CBX2: variants seen among roughly 807,000 people sequenced by gnomAD.
The protein encoded by CBX2 is chromobox 2.
Under a neutral mutation model 21.0 loss-of-function variants are expected in CBX2, and 11 were observed. That is an observed-to-expected ratio of 0.52 (90% CI 0.33 to 0.87). CBX2 has a LOEUF of 0.87. Among genes scored for constraint, CBX2 ranks in the 40% least tolerant of loss-of-function variants. The pLI, the probability that CBX2 is intolerant of heterozygous loss-of-function variation, is 0.02. For missense variants in CBX2, 746 were observed against 724.3 expected (o/e 1.03, Z -0.34); for synonymous variants, 364 against 304.6 (o/e 1.19, Z -2.03).
intron 4 of CBX2, 125 bp downstream of exon 4, chr17:79,781,926 T>C: frequency 1.2e-6 from 2 of 1,614,152 alleles, no homozygotes; most frequent in Non-Finnish European, 1.7e-6. Context: ...TCTGTCCCTC[T>C]ACTCGGAAAA....
rs1417503886 is a variant in CBX2 at position 79,783,300 on chromosome 17, C to A, written c.289-432C>A. Among the ~76,000 whole-genome samples, 4 of 152,182 alleles carry A rather than the reference C, an allele frequency of 2.6e-5. No individual in the cohort carries two copies. In the South Asian group the frequency reaches 8.3e-4, roughly 31 times the overall value. On this transcript the variant is annotated intron_variant, in intron 4 of 4. Transcript: ENST00000310942. ...GCTCCTTCCTGACTGCCTCTCTGGT[C>A]TGGAAGCCACAGGAGTTGATGGCTG...
At chr17:79,780,767 C>T (rs929569424) in intron 3 of CBX2, among the ~76,000 whole-genome samples, 9 of 152,182 alleles carry the variant, frequency 5.9e-5, no homozygotes, top group Non-Finnish European at 1.2e-4. Context: ...TGGCCCTTGG[C>T]GACGCACAGG....
chr17:79,782,014 C>T lies in CBX2; in HGVS notation c.288+213C>T, dbSNP rs782650233. ...CGGCTGAGAGTTCCTCCCCGCCCCT[C>T]CCAGGGGCTTCCTGCTTCAGCCTGT... On this transcript the variant is annotated intron_variant, in intron 4 of 4. Transcript: ENST00000310942. 40 of 1,613,976 alleles carry T rather than the reference C, an allele frequency of 2.5e-5. 1 individual carries two copies. The Admixed American group carries it at 6.0e-4, about 24-fold the overall frequency.
At chr17:79,780,522 G>A (rs1598221352) in intron 3 of CBX2, among the ~76,000 whole-genome samples, 1 of 152,090 alleles carries the variant, frequency 6.6e-6, no homozygotes, top group African/African-American at 2.4e-5. Flanking sequence ...TCAGAGGCTG[G>A]TGCGCTTCTC....
At position 79,783,616 on chromosome 17, in the gene CBX2, G is replaced by A. The variant is rs1907398027; in HGVS notation, c.289-116G>A. 3.4e-6 allele frequency: 3 copies of A among 879,782 alleles called. No homozygotes were observed. In the Admixed American group the frequency reaches 6.0e-5, roughly 18 times the overall value. 54.5% of individuals were successfully genotyped at this position (879,782 alleles called of 1,614,324 possible). A position where few individuals can be genotyped will look rare whatever the true frequency, so the allele number is the denominator to read the frequency against. On this transcript the variant is annotated intron_variant, in intron 4 of 4. Transcript: ENST00000310942. ...GTAGAAACAGGGCTCCACTATGTTG[G>A]CCAGGCTGGTCTTGAACTCCTGACC...
chr17:79,784,122 G>T lies in CBX2; in HGVS notation c.679G>T (p.Ala227Ser). ...CAAGGAGGCCTGTGGCGGCCCCAGT[G>T]CCATGGCCACCCCAGAGAACCTGGC... Reference protein sequence around the residue: ...HAKEACGGPSAMATPENLASL... With the variant: ...HAKEACGGPSSMATPENLASL... Residue 227 changes from alanine to serine, a missense_variant, in exon 5 of 5, where the codon GCC becomes TCC. Transcript: ENST00000310942. This position sits in a 1 kb window ranked among gnomAD's most constrained non-coding sequence, Gnocchi z 5.9. 1 of 1,611,912 alleles carries T rather than the reference G, an allele frequency of 6.2e-7. No homozygotes were observed. Among genetic ancestry groups the T allele is most frequent in the Non-Finnish European group, 8.5e-7 (1 of 1,179,474 alleles).
intron 3 of CBX2, among the ~76,000 whole-genome samples, chr17:79,780,677 CTCCA>C (rs1187732481): frequency 2.0e-5 from 3 of 151,966 alleles, no homozygotes; most frequent in Non-Finnish European, 4.4e-5. Context: ...GGACAGCCTT[CTCCA>C]TCCACCAAAA....
In CBX2 at chr17:79,784,551, C is replaced by G. The variant is rs146893229; in HGVS notation, c.1108C>G (p.Leu370Val). ...CAAGAATGGCATGCCCGGGGTGGGTCTCCTTGCCCGCCACGCCACCGCCAC... is the reference window on the plus strand; with the variant it reads ...CAAGAATGGCATGCCCGGGGTGGGTGTCCTTGCCCGCCACGCCACCGCCAC... ...SVKNGMPGVG[L>V]LARHATATKG... is the part of the protein sequence containing the mutation. The change falls in exon 5 of 5, where the codon CTC (leucine) becomes GTC (valine). Residue 370 changes from leucine (L) to valine (V), a missense_variant. Leu to Val is a conservative substitution (Grantham distance 32). Coordinates refer to ENST00000310942, the MANE Select transcript of CBX2 (RefSeq NM_005189.3). This position sits in a 1 kb window ranked among gnomAD's most constrained non-coding sequence, Gnocchi z 5.9. 44 of 1,612,618 alleles carry G rather than the reference C, an allele frequency of 2.7e-5. No individual in the cohort carries two copies. In the African/African-American group the frequency reaches 4.1e-4, roughly 15 times the overall value.
chr17:79,779,210 C>A (rs1906973910), intron 2 of CBX2, 152 bp from the exon 3 acceptor site: 2 of 771,298 alleles, frequency 2.6e-6, no homozygotes, highest in South Asian at 2.9e-5. Context: ...CCTCCAAAAC[C>A]TGGGTTTGGA....
chr17:79,779,111 T>C lies in CBX2; in HGVS notation c.117-251T>C, dbSNP rs115217657. 6.1e-3 allele frequency among the ~76,000 whole-genome samples: 928 copies of C among 152,370 alleles called. 9 individuals carry two copies. The highest frequency in any genetic ancestry group is 0.021 in the African/African-American group (865 of 41,584). On this transcript the variant is annotated intron_variant, in intron 2 of 4. Coordinates refer to ENST00000310942, the MANE Select transcript of CBX2 (RefSeq NM_005189.3). ...TCCCAGGCAGAGACTGTGGGAGTCC[T>C]CTTGTGGCCTTGTTTTAATTGGGGG...
rs137941885 is a variant in CBX2, at chr17:79,779,407, G to A, written c.162G>A (p.Leu54=). The A allele has an allele frequency of 5.6e-6, 9 of 1,613,592 alleles. No homozygotes were observed. Among genetic ancestry groups the A allele is most frequent in the Admixed American group, 3.3e-5 (2 of 59,986 alleles). The change falls in exon 3 of 5, where the codon CTG becomes CTA. Residue 54 remains leucine, a synonymous_variant. Coordinates refer to ENST00000310942, the MANE Select transcript of CBX2 (RefSeq NM_005189.3). The stretch of plus-strand genomic sequence containing the variant: ...AGGAGAACATCCTGGACCCGAGGCT[G>A]CTCCTGGCCTTCCAGAAGAAGTGAG... ...EPEENILDPR[L]LLAFQKKEHE... is the part of the protein sequence containing the mutation.
chr17:79,784,406 G>A lies in CBX2; in HGVS notation c.963G>A (p.Val321=), dbSNP rs201912937. ...GCGGTGGGGCTGTGGAGCAGAAAGT[G>A]GGGAACACAGGGGGCCCCCCGCACA... The part of the protein sequence containing the change: ...APSGGAVEQK[V]GNTGGPPHTH... Residue 321 remains valine (V), a synonymous_variant, in exon 5 of 5, where the codon GTG becomes GTA. Transcript: ENST00000310942. The surrounding 1 kb of genome is among the most constrained non-coding windows in gnomAD (Gnocchi z 5.9). The A allele has an allele frequency of 6.2e-7, 1 of 1,612,126 alleles. No homozygotes were observed. Among genetic ancestry groups the A allele is most frequent in the Non-Finnish European group, 8.5e-7 (1 of 1,179,578 alleles).
Position 79,778,168 on chromosome 17 carries a change from CGG to C in CBX2, c.-65_-64del. ...GGGGCGGTGCTTTGTGTGCTGCCGG[CGG>C]GGCGCGCGGCGGTCCGGGCGGGTGA... On this transcript the variant is annotated 5_prime_UTR_variant, in exon 1 of 5. Coordinates refer to ENST00000310942, the MANE Select transcript of CBX2 (RefSeq NM_005189.3). This position sits in a 1 kb window ranked among gnomAD's most constrained non-coding sequence, Gnocchi z 4.8. 1 of 937,028 alleles carries C rather than the reference CGG, an allele frequency of 1.1e-6. No individual in the cohort carries two copies. Among genetic ancestry groups the C allele is most frequent in the Non-Finnish European group, 1.3e-6 (1 of 744,062 alleles). 58.0% of individuals were successfully genotyped at this position (937,028 alleles called of 1,614,324 possible). A position where few individuals can be genotyped will look rare whatever the true frequency, so the allele number is the denominator to read the frequency against.
At chr17:79,780,761 C>T (rs1337390223) in intron 3 of CBX2, among the ~76,000 whole-genome samples, 1 of 152,070 alleles carries the variant, frequency 6.6e-6, no homozygotes. Flanking sequence ...GGGGTATGGC[C>T]CTTGGCGACG....
At chr17:79,781,083 G>A (rs1390935510) in intron 3 of CBX2, among the ~76,000 whole-genome samples, 1 of 152,068 alleles carries the variant, frequency 6.6e-6, no homozygotes. Flanking sequence ...TGCGAGTGGT[G>A]CGTGCATTGA....
Position 79,784,486 on chromosome 17 carries a change from C to G in CBX2, c.1043C>G (p.Thr348Ser), listed in dbSNP as rs782047271. ...AGCPGPQPAP[T>S]QELSLQVLDL... Reference sequence around the variant, plus strand: ...TGCCCAGGCCCCCAGCCAGCACCCACCCAGGAGCTGAGCCTCCAGGTCTTG... The same window carrying G: ...TGCCCAGGCCCCCAGCCAGCACCCAGCCAGGAGCTGAGCCTCCAGGTCTTG... The change falls in exon 5 of 5, where the codon ACC becomes AGC. Residue 348 changes from threonine (T) to serine (S), a missense_variant. This residue lies in a region of CBX2 where 701 missense variants were observed against 650.7 expected (regional missense o/e 1.08). Transcript: ENST00000310942. This position sits in a 1 kb window ranked among gnomAD's most constrained non-coding sequence, Gnocchi z 5.9. 7 of 1,612,588 alleles carry G rather than the reference C, an allele frequency of 4.3e-6. No individual in the cohort carries two copies. Among genetic ancestry groups the G allele is most frequent in the Non-Finnish European group, 5.9e-6 (7 of 1,179,906 alleles).
chr17:79,787,010 T>C lies in CBX2; in HGVS notation c.*1968T>C, dbSNP rs1555832184. 1 of 152,640 alleles carries C rather than the reference T, an allele frequency of 6.6e-6. No homozygotes were observed. The highest frequency in any genetic ancestry group is 1.9e-4 in the East Asian group (1 of 5,196). The allele number at this position is 152,640 out of a possible 1,614,324, so 9.5% of individuals were successfully genotyped here. On this transcript the variant is annotated 3_prime_UTR_variant, in exon 5 of 5. Coordinates refer to ENST00000310942, the MANE Select transcript of CBX2 (RefSeq NM_005189.3). ...TGCCCACCTCGGCGAATTGAAGGGC[T>C]AAGAGTCCCAGATAGCTAGGCCAGA... is the stretch of plus-strand genomic sequence containing the variant.
chr17:79,783,598 CAG>C lies in CBX2; in HGVS notation c.289-133_289-132del, dbSNP rs10551101. The stretch of plus-strand genomic sequence containing the variant: ...CTAATTTTTGTATTTTTAGTAGAAA[CAG>C]GGCTCCACTATGTTGGCCAGGCTGG... On this transcript the variant is annotated intron_variant, in intron 4 of 4. Coordinates refer to ENST00000310942, the MANE Select transcript of CBX2 (RefSeq NM_005189.3). 16,207 of 762,224 alleles carry C rather than the reference CAG, an allele frequency of 0.021. 1,462 individuals are homozygous for C. The African/African-American group carries it at 0.22, about 10-fold the overall frequency. 47.2% of individuals were successfully genotyped at this position (762,224 alleles called of 1,614,324 possible).
chr17:79,786,783 G>C lies in CBX2; in HGVS notation c.*1741G>C, dbSNP rs1840689467. ...GGACTTTGAGAATGGGCTCTGGTTT[G>C]CGGGGGGCAGGCGTACCAGACTGCA... On this transcript the variant is annotated 3_prime_UTR_variant, in exon 5 of 5. Coordinates refer to ENST00000310942, the MANE Select transcript of CBX2 (RefSeq NM_005189.3). 1 of 152,712 alleles carries C rather than the reference G, an allele frequency of 6.5e-6. No individual in the cohort carries two copies. Among genetic ancestry groups the C allele is most frequent in the African/African-American group, 2.4e-5 (1 of 41,470 alleles). The allele number at this position is 152,712 out of a possible 1,614,324, so 9.5% of individuals were successfully genotyped here. A position where few individuals can be genotyped will look rare whatever the true frequency, so the allele number is the denominator to read the frequency against.
Sources: allele counts gnomAD v4.1 joint callset (sites outside exome capture counted in the v4.1 genomes callset), GRCh38; gene constraint gnomAD v4.1.1; regional missense constraint gnomAD v4.1.1; non-coding constraint Gnocchi (gnomAD v3.1); transcripts MANE v1.5; gene names NCBI Gene and HGNC (gene_info 2026-07-23, HGNC 2026-07-21).